The following COL4A1 variants were observed in gnomAD, a reference collection of about 807,000 sequenced individuals.
COL4A1 encodes the protein collagen alpha-1(IV) chain.
A neutral mutation model predicts 216.6 loss-of-function variants in COL4A1; 40 were observed. The observed-to-expected ratio is 0.18, with a 90% CI of 0.14 to 0.24. The LOEUF is 0.24. Ranked by LOEUF, COL4A1 falls within the 10% of genes least tolerant of loss-of-function variation. The pLI is 1.00. For synonymous variants in COL4A1, 839 were observed against 810.7 expected, an observed-to-expected ratio of 1.03 and a Z score of -0.59; for missense variants, 1,628 against 2,196.8, an observed-to-expected ratio of 0.74 and a Z score of 5.18.
intron 2 of COL4A1, among the ~76,000 whole-genome samples, chr13:110,239,506 A>G (rs963271177): frequency 2.6e-5 from 4 of 152,248 alleles, no homozygotes; most frequent in Admixed American, 2.6e-4. Flanking sequence ...TGTTTAAAGA[A>G]CAACCAATCA....
chr13:110,203,673 T>A, intron 17 of COL4A1, 66 bp from the exon 18 acceptor site: 1 of 1,558,472 alleles, frequency 6.4e-7, no homozygotes, highest in Non-Finnish European at 8.9e-7. Context: ...AGAAAGCAGA[T>A]TAAACATTTC....
At chr13:110,219,910 ATGTGTGTATATATATGTATGTATATG>A (rs1880377681) in intron 2 of COL4A1, among the ~76,000 whole-genome samples, 4 of 135,856 alleles carry the variant, frequency 2.9e-5, no homozygotes, top group African/African-American at 1.2e-4. Context: ...ATGTATATAT[ATGTGTGTATATATATGTATGTATATG>A]TGTGTGTATA....
chr13:110,200,240 A>G (rs1879122764), intron 20 of COL4A1, among the ~76,000 whole-genome samples: 1 of 152,016 alleles, frequency 6.6e-6, no homozygotes, highest in African/African-American at 2.4e-5. Context: ...ACACACGTGG[A>G]CACACGTGCA....
At chr13:110,306,738 T>C (rs952128952) in intron 1 of COL4A1, among the ~76,000 whole-genome samples, 21 of 152,114 alleles carry the variant, frequency 1.4e-4, no homozygotes, top group African/African-American at 5.1e-4. Context: ...CCAGTACCCA[T>C]ACCATAACAA....
In COL4A1 at chr13:110,241,597, G is replaced by A. The variant is rs1881570799; in HGVS notation, c.144+1078C>T. Among the ~76,000 whole-genome samples the A allele has an allele frequency of 2.0e-5, 3 of 152,298 alleles. No homozygotes were observed. The South Asian group carries it at 6.2e-4, about 32-fold the overall frequency. ...AATCCAAAGTAAGAGAGCAGAGCAT[G>A]AAGATAAATTAGAGTTGATATGAAA... is the stretch of plus-strand genomic sequence containing the variant. On this transcript the variant is annotated intron_variant, in intron 2 of 51. Transcript: ENST00000375820.
rs769141031 is a variant in COL4A1 at position 110,150,420 on chromosome 13, C to G, written c.4953G>C (p.Lys1651Asn). The change falls in exon 52 of 52, where the codon AAG (lysine) becomes AAC (asparagine). Residue 1651 changes from lysine to asparagine, a missense_variant. Lys to Asn is a moderately conservative substitution (Grantham distance 94). This residue lies in a region of COL4A1 where 254 missense variants were observed against 300.1 expected (regional missense o/e 0.85). Transcript: ENST00000375820. ...TGACGTGCGTGCGCAGCTCCCCTGC[C>G]TTCAAGGTGGACGGCGTAGGCTTCC... ...MFKKPTPSTL[K>N]AGELRTHVSR... The G allele has an allele frequency of 1.9e-6, 3 of 1,614,132 alleles. No individual in the cohort carries two copies. Among genetic ancestry groups the G allele is most frequent in the Non-Finnish European group, 2.5e-6 (3 of 1,180,034 alleles).
intron 1 of COL4A1, among the ~76,000 whole-genome samples, chr13:110,261,502 G>C (rs1882827487): frequency 6.6e-6 from 1 of 152,200 alleles, no homozygotes; most frequent in African/African-American, 2.4e-5. Context: ...AGCAGCCCAA[G>C]GGCTCCCTAG....
At chr13:110,187,010 G>T (rs2139173786) in intron 25 of COL4A1, 128 bp downstream of exon 25, 1 of 1,262,962 alleles carries the variant, frequency 7.9e-7, no homozygotes, top group Non-Finnish European at 1.1e-6. Flanking sequence ...CATGAATCAT[G>T]AAACAAGTTC....
chr13:110,213,707 GA>G, intron 4 of COL4A1, 74 bp downstream of exon 4: 2 of 1,477,622 alleles, frequency 1.4e-6, no homozygotes, highest in Non-Finnish European at 1.9e-6. Flanking sequence ...AGAAAGGAGG[GA>G]AAAGGTGCCC....
intron 1 of COL4A1, among the ~76,000 whole-genome samples, chr13:110,243,186 A>C (rs1224847651): frequency 6.6e-6 from 1 of 152,250 alleles, no homozygotes; most frequent in Non-Finnish European, 1.5e-5. Flanking sequence ...GCCGCGCAAA[A>C]AAAAGTTTGT....
chr13:110,290,790 A>T (rs557079073), intron 1 of COL4A1, among the ~76,000 whole-genome samples: 1 of 152,364 alleles, frequency 6.6e-6, no homozygotes, highest in East Asian at 1.9e-4. Context: ...GTGATCAATG[A>T]TCTGTCAATA....
At chr13:110,161,437 G>T in intron 48 of COL4A1, 68 bp from the exon 49 acceptor site, 1 of 1,520,356 alleles carries the variant, frequency 6.6e-7, no homozygotes, top group Non-Finnish European at 8.9e-7. Flanking sequence ...ATGTAAAGTG[G>T]ATTTCAGCTG....
intron 1 of COL4A1, among the ~76,000 whole-genome samples, chr13:110,282,893 C>G (rs1270279285): frequency 6.6e-6 from 1 of 152,200 alleles, no homozygotes; most frequent in Non-Finnish European, 1.5e-5. Context: ...CAATTTTGTT[C>G]TTTCGTGGCC....
At chr13:110,251,047 A>T (rs576570466) in intron 1 of COL4A1, among the ~76,000 whole-genome samples, 1 of 152,226 alleles carries the variant, frequency 6.6e-6, no homozygotes, top group Non-Finnish European at 1.5e-5. Flanking sequence ...TAACCCCTTC[A>T]TTCCACCAGT....
At chr13:110,175,542 C>T (rs1877843263) in intron 36 of COL4A1, among the ~76,000 whole-genome samples, 185 bp from the exon 37 acceptor site, 1 of 152,228 alleles carries the variant, frequency 6.6e-6, no homozygotes, top group African/African-American at 2.4e-5. Flanking sequence ...CAGAACACGT[C>T]AGTCACCCAG....
In COL4A1 at chr13:110,170,728, T is replaced by C. The variant is rs192470284; in HGVS notation, c.3561A>G (p.Ser1187=). 1.9e-5 allele frequency: 31 copies of C among 1,614,190 alleles called. No homozygotes were observed. The African/African-American group carries it at 3.7e-4, about 19-fold the overall frequency. ...GFPGAKGDKG[S]KGEVGFPGLA... ...ATCCTGGGAAACCCACCTCACCCTT[T>C]GAACCTGAACAAGAAAAACAGTTTG... Residue 1187 remains serine (S), a synonymous_variant, in exon 42 of 52, where the codon TCA becomes TCG. Coordinates refer to ENST00000375820, the MANE Select transcript of COL4A1 (RefSeq NM_001845.6).
intron 2 of COL4A1, among the ~76,000 whole-genome samples, chr13:110,216,698 C>G (rs1880102303): frequency 6.6e-6 from 1 of 152,192 alleles, no homozygotes; most frequent in African/African-American, 2.4e-5. Flanking sequence ...GAAATGAGGT[C>G]AGCCTCCACC....
At chr13:110,158,271 T>C (rs977331235) in intron 49 of COL4A1, among the ~76,000 whole-genome samples, 4 of 152,252 alleles carry the variant, frequency 2.6e-5, no homozygotes, top group Non-Finnish European at 5.9e-5. Context: ...GTAGATATTT[T>C]AATGTAAGGG....
At chr13:110,263,599 G>A (rs7316984) in intron 1 of COL4A1, among the ~76,000 whole-genome samples, 40,297 of 151,994 alleles carry the variant, frequency 0.27, 5,621 homozygotes, top group East Asian at 0.48. Flanking sequence ...GACCACAGGC[G>A]TGTACCACCA....
Sources: gnomAD v4.1 joint callset for allele counts (sites outside exome capture counted in the v4.1 genomes callset) on GRCh38, gnomAD v4.1.1 for gene constraint, gnomAD v4.1.1 regional missense constraint, MANE v1.5 for transcripts, NCBI Gene and HGNC (gene_info 2026-07-23, HGNC 2026-07-21) for gene names.